The following CCT7 variants were observed in gnomAD, a reference collection of about 807,000 sequenced individuals.
CCT7 encodes chaperonin containing TCP1 subunit 7.
In CCT7, 16 loss-of-function variants were observed where a neutral mutation model predicts 56.6. That is an observed-to-expected ratio of 0.28 (90% confidence interval 0.19 to 0.43). CCT7 has a LOEUF of 0.43. CCT7 is among the 20% of genes least tolerant of loss of function. The probability of loss-of-function intolerance (pLI) is 1.00; values close to 1 mark genes in which losing one functional copy is unlikely to be tolerated. For synonymous variants in CCT7, 262 were observed against 254.8 expected (o/e 1.03, Z -0.27); for missense variants, 519 against 685.6 (o/e 0.76, Z 2.71).
chr2:73,234,522 A>C, intron 1 of CCT7, 138 bp downstream of exon 1: 1 of 1,051,532 alleles, frequency 9.5e-7, no homozygotes, highest in Non-Finnish European at 1.4e-6. Context: ...CTTAGGGGCG[A>C]CCCCAGCCAG....
rs949856764 is a variant in CCT7 at position 73,242,947 on chromosome 2, T to C, written c.268-57T>C. The C allele has an allele frequency of 3.9e-5, 62 of 1,610,172 alleles. No individual in the cohort carries two copies. The African/African-American group carries it at 7.8e-4, about 20-fold the overall frequency. ...GGGTAGCGTGCCTAAAAATGGAGTT[T>C]CAGGGCTTTATTCCCTGAACATCAG... On this transcript the variant is annotated intron_variant, in intron 3 of 11. Transcript: ENST00000258091.
intron 3 of CCT7, among the ~76,000 whole-genome samples, chr2:73,241,766 G>A (rs1036889224): frequency 2.0e-5 from 3 of 151,176 alleles, no homozygotes; most frequent in African/African-American, 7.3e-5. Context: ...TTGAGAGGGG[G>A]TTTCATTCTT....
intron 1 of CCT7, chr2:73,237,700 A>G (rs1488438809): frequency 6.6e-6 from 1 of 152,216 alleles, no homozygotes; most frequent in African/African-American, 2.4e-5. Context: ...AGGGGTTTAC[A>G]TGACAAGCAT....
chr2:73,244,632 G>A lies in CCT7; in HGVS notation c.535G>A (p.Val179Met). The A allele has an allele frequency of 6.2e-7, 1 of 1,613,896 alleles. No individual in the cohort carries two copies. Among genetic ancestry groups the A allele is most frequent in the Non-Finnish European group, 8.5e-7 (1 of 1,179,800 alleles). Residue 179 changes from valine to methionine, a missense_variant, in exon 6 of 12, where the codon GTG (valine) becomes ATG (methionine). Val to Met is a conservative substitution (Grantham distance 21). This residue lies in a region of CCT7 where 276 missense variants were observed against 357.3 expected (regional missense o/e 0.77). Coordinates refer to ENST00000258091, the MANE Select transcript of CCT7 (RefSeq NM_006429.4). ...SQQKAFFAKM[V>M]VDAVMMLDDL... is the part of the protein sequence containing the mutation. ...GCAGAAAGCTTTCTTTGCTAAGATG[G>A]TGGTGGATGCAGTGATGATGCTCGA...
Position 73,249,856 on chromosome 2 carries a change from T to C in CCT7, c.1010T>C (p.Leu337Pro). Residue 337 changes from leucine to proline, a missense_variant, in exon 9 of 12, where the codon CTG becomes CCG. Leu to Pro is a moderately conservative substitution (Grantham distance 98, BLOSUM62 -3). Around this residue, in one of 3 missense-constraint regions of CCT7, gnomAD observed 237 missense variants for 300.8 expected, o/e 0.79. Coordinates refer to ENST00000258091, the MANE Select transcript of CCT7 (RefSeq NM_006429.4). ...TCAATCCAGACCAGTGTGAATGCTC[T>C]GTCAGCAGATGTGCTGGGTCGATGC... ...GGSIQTSVNA[L>P]SADVLGRCQV... The C allele has an allele frequency of 6.2e-7, 1 of 1,614,004 alleles. No homozygotes were observed. The highest frequency in any genetic ancestry group is 1.1e-5 in the South Asian group (1 of 91,076).
chr2:73,234,366 A>C lies in CCT7; in HGVS notation c.-13A>C. On this transcript the variant is annotated 5_prime_UTR_variant, in exon 1 of 12. Coordinates refer to ENST00000258091, the MANE Select transcript of CCT7 (RefSeq NM_006429.4). ...AGAGGGGAGAGTGGCGGGCCGCTGA[A>C]TAAGCTTCCAAAATGATGGTGAGTG... The C allele has an allele frequency of 1.2e-6, 2 of 1,613,506 alleles. No homozygotes were observed. Among genetic ancestry groups the C allele is most frequent in the Non-Finnish European group, 8.5e-7 (1 of 1,179,954 alleles).
At position 73,251,153 on chromosome 2, in the gene CCT7, C is replaced by A; in HGVS notation, c.1204-73C>A. 5 of 1,374,322 alleles carry A rather than the reference C, an allele frequency of 3.6e-6. No homozygotes were observed. The South Asian group carries it at 4.7e-5, about 13-fold the overall frequency. The allele number at this position is 1,374,322 out of a possible 1,614,324, so 85.1% of individuals were successfully genotyped here. A position where few individuals can be genotyped will look rare whatever the true frequency, so the allele number is the denominator to read the frequency against. ...AACCACTCTTTCTGGGCTGAAGGGA[C>A]CTACTGAGTGGCCCAGCATGGAAGC... On this transcript the variant is annotated intron_variant, in intron 10 of 11. Coordinates refer to ENST00000258091, the MANE Select transcript of CCT7 (RefSeq NM_006429.4).
chr2:73,238,371 C>T (rs1406034388), intron 1 of CCT7, among the ~76,000 whole-genome samples: 1 of 152,230 alleles, frequency 6.6e-6, no homozygotes, highest in East Asian at 1.9e-4. Context: ...TTACTACCCT[C>T]CAGCTGCGCT....
intron 10 of CCT7, 113 bp from the exon 11 acceptor site, chr2:73,251,113 G>C: frequency 2.2e-6 from 2 of 926,728 alleles, no homozygotes; most frequent in Non-Finnish European, 3.4e-6. Flanking sequence ...GCTTGGGATG[G>C]AGGAAGGAAT....
At chr2:73,243,683 G>C (rs1479602136) in intron 4 of CCT7, among the ~76,000 whole-genome samples, 1 of 152,152 alleles carries the variant, frequency 6.6e-6, no homozygotes, top group Non-Finnish European at 1.5e-5. Flanking sequence ...CAGGAGGTTT[G>C]GCTTAATCTC....
rs1049946042 is a variant in CCT7, at chr2:73,240,994, T to G, written c.267+451T>G. Among the ~76,000 whole-genome samples the G allele has an allele frequency of 8.6e-5, 13 of 151,500 alleles. No homozygotes were observed. The South Asian group carries it at 1.0e-3, about 12-fold the overall frequency. On this transcript the variant is annotated intron_variant, in intron 3 of 11. Transcript: ENST00000258091. ...CAAGCCTTCTCTCACCTCAGCTTCC[T>G]TAGTCGTTGGAACTACTGGCATTCC...
chr2:73,247,465 G>T lies in CCT7; in HGVS notation c.619-297G>T, dbSNP rs1574361689. Among the ~76,000 whole-genome samples the T allele has an allele frequency of 2.6e-5, 4 of 152,176 alleles. No individual in the cohort carries two copies. The South Asian group carries it at 8.3e-4, about 32-fold the overall frequency. On this transcript the variant is annotated intron_variant, in intron 6 of 11. Coordinates refer to ENST00000258091, the MANE Select transcript of CCT7 (RefSeq NM_006429.4). ...ACAGCATTATCCATCGGCCAGTGCTGCAGAGGCCAGTCTTAGAGGACAGCC... is the reference window on the plus strand; with the variant it reads ...ACAGCATTATCCATCGGCCAGTGCTTCAGAGGCCAGTCTTAGAGGACAGCC...
intron 7 of CCT7, among the ~76,000 whole-genome samples, chr2:73,248,420 G>C (rs911348571): frequency 6.6e-6 from 1 of 151,728 alleles, no homozygotes; most frequent in African/African-American, 2.4e-5. Context: ...GTGCAATCTC[G>C]GCTCACTGTA....
chr2:73,251,913 C>T (rs987182074), intron 11 of CCT7, among the ~76,000 whole-genome samples: 7 of 150,456 alleles, frequency 4.7e-5, no homozygotes, highest in Admixed American at 2.0e-4. Flanking sequence ...CACTCCAGCC[C>T]GGGTGGTAGT....
At chr2:73,239,398 A>G (rs1687008712) in intron 1 of CCT7, 1 of 439,206 alleles carries the variant, frequency 2.3e-6, no homozygotes, top group Non-Finnish European at 4.1e-6. Flanking sequence ...TTTCTTTTAG[A>G]TTAGGTCAGT....
At chr2:73,245,604 A>G (rs1385910917) in intron 6 of CCT7, among the ~76,000 whole-genome samples, 1 of 152,222 alleles carries the variant, frequency 6.6e-6, no homozygotes, top group Admixed American at 6.5e-5. Flanking sequence ...CGTCCTTGGT[A>G]TCTCCATGCT....
chr2:73,242,503 C>T (rs926128711), intron 3 of CCT7, among the ~76,000 whole-genome samples: 1 of 152,154 alleles, frequency 6.6e-6, no homozygotes, highest in Non-Finnish European at 1.5e-5. Context: ...TGGTCTTGAA[C>T]TCCTGACCTC....
At chr2:73,239,839 G>C (rs763835460) in intron 2 of CCT7, 43 bp downstream of exon 2, 2 of 1,579,006 alleles carry the variant, frequency 1.3e-6, no homozygotes. Context: ...AGGAAAGGAG[G>C]CTCCTGAGGG....
chr2:73,244,118 T>C, intron 5 of CCT7, 69 bp downstream of exon 5: 1 of 1,445,034 alleles, frequency 6.9e-7, no homozygotes, highest in Admixed American at 2.1e-5. Flanking sequence ...CCCAGGCTAG[T>C]CTTGAACTAC....
Sources: gnomAD v4.1 joint callset for allele counts (sites outside exome capture counted in the v4.1 genomes callset) on GRCh38, gnomAD v4.1.1 for gene constraint, gnomAD v4.1.1 regional missense constraint, MANE v1.5 for transcripts, NCBI Gene and HGNC (gene_info 2026-07-23, HGNC 2026-07-21) for gene names.